Variants in PRKN observed in about 807,000 individuals in gnomAD.
PRKN encodes parkin RBR E3 ubiquitin protein ligase, also known as E3 ubiquitin-protein ligase parkin.
PRKN carries 56 observed loss-of-function variants against 59.5 expected under a neutral mutation model. That is an observed-to-expected ratio of 0.94 (90% confidence interval 0.76 to 1.18). The LOEUF (loss-of-function observed/expected upper bound fraction) is 1.18, where lower values mean the gene tolerates loss of function less well. Ranked by LOEUF, PRKN falls within the 50% of genes most tolerant of loss-of-function variation. The pLI, the probability that PRKN is intolerant of heterozygous loss-of-function variation, is 0.00. For synonymous variants in PRKN, 250 were observed against 222.1 expected, an observed-to-expected ratio of 1.13 and a Z score of -1.12; for missense variants, 657 against 596.4, an observed-to-expected ratio of 1.10 and a Z score of -1.06.
At chr6:162,096,166 A>G (rs1485450357) in intron 4 of PRKN, among the ~76,000 whole-genome samples, 1 of 152,162 alleles carries the variant, frequency 6.6e-6, no homozygotes, top group Non-Finnish European at 1.5e-5. Context: ...CTGGAGCATT[A>G]ATAACAGATC....
chr6:162,051,246 G>A (rs4257836), intron 5 of PRKN, among the ~76,000 whole-genome samples: 70,080 of 152,004 alleles, frequency 0.46, 17,303 homozygotes, highest in Middle Eastern at 0.55. Flanking sequence ...CACTCAGCAC[G>A]GAGAATTCAC....
intron 1 of PRKN, among the ~76,000 whole-genome samples, chr6:162,714,328 C>G (rs1202209553): frequency 6.6e-6 from 1 of 152,184 alleles, no homozygotes; most frequent in African/African-American, 2.4e-5. Context: ...CTTTGCGTCA[C>G]GGGGCCTTTG....
At chr6:162,428,355 A>G (rs917438014) in intron 2 of PRKN, among the ~76,000 whole-genome samples, 4 of 152,192 alleles carry the variant, frequency 2.6e-5, no homozygotes, top group Non-Finnish European at 5.9e-5. Flanking sequence ...ACTATATATT[A>G]TTTGGTAGCA....
chr6:162,388,007 G>C (rs1786944565), intron 2 of PRKN, among the ~76,000 whole-genome samples: 1 of 152,216 alleles, frequency 6.6e-6, no homozygotes, highest in Admixed American at 6.5e-5. Context: ...CGTGGGGAAG[G>C]CAGAGCCAAC....
chr6:162,130,999 C>T lies in PRKN; in HGVS notation c.534+70132G>A, dbSNP rs145231835. Among the ~76,000 whole-genome samples, 10 of 152,132 alleles carry T rather than the reference C, an allele frequency of 6.6e-5. No homozygotes were observed. In the East Asian group the frequency reaches 1.2e-3, roughly 18 times the overall value. On this transcript the variant is annotated intron_variant, in intron 4 of 11. Coordinates refer to ENST00000366898, the MANE Select transcript of PRKN (RefSeq NM_004562.3). Reference sequence around the variant, plus strand: ...ACCCTCCCTTTTGCTCTACGATGCCCGAGTTCAAAATACTTTTCTTAAAAT... The same window carrying T: ...ACCCTCCCTTTTGCTCTACGATGCCTGAGTTCAAAATACTTTTCTTAAAAT...
At chr6:161,764,295 T>TATCTATTC (rs1163530459) in intron 7 of PRKN, among the ~76,000 whole-genome samples, 1 of 152,226 alleles carries the variant, frequency 6.6e-6, no homozygotes, top group South Asian at 2.1e-4. Context: ...GGAAGAAGCT[T>TATCTATTC]ATCTATTCTG....
intron 6 of PRKN, among the ~76,000 whole-genome samples, chr6:161,952,700 T>A (rs1780034117): frequency 6.6e-6 from 1 of 152,138 alleles, no homozygotes. Flanking sequence ...GGAACAGAAG[T>A]AAAAGCCTGG....
Position 162,567,896 on chromosome 6 carries a change from T to C in PRKN, c.8-124423A>G, listed in dbSNP as rs577512243. Among the ~76,000 whole-genome samples the C allele has an allele frequency of 5.9e-5, 9 of 152,242 alleles. No individual in the cohort carries two copies. The South Asian group carries it at 1.7e-3, about 28-fold the overall frequency. ...CAGAGCTATTGTAAGCAAAACAGCA[T>C]GGTACTGGCATAAAAACAGACACAC... On this transcript the variant is annotated intron_variant, in intron 1 of 11. Coordinates refer to ENST00000366898, the MANE Select transcript of PRKN (RefSeq NM_004562.3).
intron 2 of PRKN, among the ~76,000 whole-genome samples, chr6:162,301,379 T>G (rs1461717335): frequency 1.3e-5 from 2 of 152,134 alleles, no homozygotes; most frequent in Non-Finnish European, 2.9e-5. Flanking sequence ...TCTTGCCTCC[T>G]AAATATATGT....
intron 2 of PRKN, among the ~76,000 whole-genome samples, chr6:162,305,741 GTGTATTTTAAAGTAT>G (rs1248148570): frequency 6.6e-6 from 1 of 151,978 alleles, no homozygotes; most frequent in Non-Finnish European, 1.5e-5. Context: ...TATTATTTTG[GTGTATTTTAAAGTAT>G]TATTATCTGT....
intron 7 of PRKN, among the ~76,000 whole-genome samples, chr6:161,671,027 G>C (rs779756062): frequency 1.3e-5 from 2 of 152,044 alleles, no homozygotes; most frequent in Non-Finnish European, 2.9e-5. Flanking sequence ...TTTTTCGTGT[G>C]TTTTCTTCAT....
rs546475876 is a variant in PRKN, at chr6:161,516,164, TG to T, written c.1083+32689del. Among the ~76,000 whole-genome samples the T allele has an allele frequency of 6.9e-4, 105 of 152,180 alleles. 4 individuals are homozygous for T. In the South Asian group the frequency reaches 0.021, roughly 31 times the overall value. ...CAAAGTGTTACTTTAAGAAGAAAAG[TG>T]GGCCAGGCGCAGTGGCTCACGCCTG... On this transcript the variant is annotated intron_variant, in intron 9 of 11. Transcript: ENST00000366898.
intron 3 of PRKN, among the ~76,000 whole-genome samples, chr6:162,203,682 GC>G (rs1784826440): frequency 6.6e-6 from 1 of 152,108 alleles, no homozygotes; most frequent in South Asian, 2.1e-4. Flanking sequence ...GAATGGCAAG[GC>G]AATTCCAAAA....
chr6:161,430,740 G>A (rs1788601925), intron 9 of PRKN, among the ~76,000 whole-genome samples: 1 of 148,920 alleles, frequency 6.7e-6, no homozygotes, highest in African/African-American at 2.5e-5. Flanking sequence ...GCGTGAACCT[G>A]GGAGGCGGAG....
intron 7 of PRKN, among the ~76,000 whole-genome samples, chr6:161,763,151 T>G (rs1386483257): frequency 6.6e-6 from 1 of 152,142 alleles, no homozygotes; most frequent in Non-Finnish European, 1.5e-5. Flanking sequence ...TTTCCTGGAC[T>G]GAAGTTTGAA....
At chr6:161,857,699 A>G (rs919210494) in intron 6 of PRKN, among the ~76,000 whole-genome samples, 1 of 152,224 alleles carries the variant, frequency 6.6e-6, no homozygotes, top group African/African-American at 2.4e-5. Context: ...TTAAAAAATA[A>G]CAACATTGGT....
chr6:162,381,969 C>G (rs1001356265), intron 2 of PRKN, among the ~76,000 whole-genome samples: 1 of 152,172 alleles, frequency 6.6e-6, no homozygotes, highest in African/African-American at 2.4e-5. Flanking sequence ...TCAGGAGACA[C>G]ACAAGCAGAC....
chr6:161,909,783 C>T (rs1778286404), intron 6 of PRKN, among the ~76,000 whole-genome samples: 1 of 152,214 alleles, frequency 6.6e-6, no homozygotes, highest in South Asian at 2.1e-4. Context: ...CATGTACATA[C>T]TATAACTGCT....
intron 4 of PRKN, among the ~76,000 whole-genome samples, chr6:162,176,868 A>C (rs1783560625): frequency 6.6e-6 from 1 of 152,122 alleles, no homozygotes; most frequent in African/African-American, 2.4e-5. Context: ...CAGATGAAAC[A>C]AAATTTAAGT....
Sources: gnomAD v4.1 joint callset for allele counts (sites outside exome capture counted in the v4.1 genomes callset) on GRCh38, gnomAD v4.1.1 for gene constraint, MANE v1.5 for transcripts, NCBI Gene and HGNC (gene_info 2026-07-23, HGNC 2026-07-21) for gene names.